The following UBN2 variants were observed in gnomAD, a reference collection of about 807,000 sequenced individuals.
UBN2 encodes ubinuclein-2.
In UBN2, 35 loss-of-function variants were observed where a neutral mutation model predicts 120.2. The observed-to-expected ratio is 0.29, with a 90% CI of 0.22 to 0.39. The LOEUF (loss-of-function observed/expected upper bound fraction) is 0.39, where lower values mean the gene tolerates loss of function less well. UBN2 is among the 10% of genes least tolerant of loss of function. The pLI is 1.00. For missense variants in UBN2, 1,693 were observed against 1,663.2 expected, an observed-to-expected ratio of 1.02 and a Z score of -0.31; for synonymous variants, 661 against 648.7, an observed-to-expected ratio of 1.02 and a Z score of -0.29.
Position 139,283,046 on chromosome 7 carries a change from A to G in UBN2, c.2141A>G (p.Gln714Arg), listed in dbSNP as rs2131034949. Residue 714 changes from glutamine to arginine, a missense_variant, in exon 15 of 18, where the codon CAG becomes CGG. Physicochemically the swap from Gln to Arg is conservative, Grantham distance 43. This residue lies in a region of UBN2 where 837 missense variants were observed against 817.6 expected (regional missense o/e 1.02). Transcript: ENST00000473989. ...MLKECSPKKD[Q>R]KTPTSLVASV... Reference sequence around the variant, plus strand: ...TAGGAGTGTAGTCCAAAAAAGGACCAGAAAACTCCAACATCCCTGGTGGCT... The same window carrying G: ...TAGGAGTGTAGTCCAAAAAAGGACCGGAAAACTCCAACATCCCTGGTGGCT... 4 of 1,602,048 alleles carry G rather than the reference A, an allele frequency of 2.5e-6. No individual in the cohort carries two copies. Among genetic ancestry groups the G allele is most frequent in the Non-Finnish European group, 3.4e-6 (4 of 1,175,392 alleles).
intron 3 of UBN2, among the ~76,000 whole-genome samples, chr7:139,255,171 C>G (rs1796724213): frequency 6.6e-6 from 1 of 152,158 alleles, no homozygotes; most frequent in African/African-American, 2.4e-5. Flanking sequence ...TCTACCTTTT[C>G]CAGAATGTCT....
Position 139,283,442 on chromosome 7 carries a change from A to T in UBN2, c.2537A>T (p.Asp846Val). The T allele has an allele frequency of 6.2e-7, 1 of 1,614,096 alleles. No individual in the cohort carries two copies. Among genetic ancestry groups the T allele is most frequent in the Non-Finnish European group, 8.5e-7 (1 of 1,180,012 alleles). ...GGGCCAGTACCAAAGAAACCCCAGGATTTAGCTCATACTGGCATCTCTTCA... is the reference window on the plus strand; with the variant it reads ...GGGCCAGTACCAAAGAAACCCCAGGTTTTAGCTCATACTGGCATCTCTTCA... ...HTGPVPKKPQ[D>V]LAHTGISSGL... is the part of the protein sequence containing the mutation. Residue 846 changes from aspartate to valine, a missense_variant, in exon 15 of 18, where the codon GAT (aspartate) becomes GTT (valine). Transcript: ENST00000473989.
intron 15 of UBN2, among the ~76,000 whole-genome samples, chr7:139,285,540 T>C (rs541588571): frequency 2.0e-4 from 30 of 152,184 alleles, no homozygotes; most frequent in Non-Finnish European, 3.5e-4. Context: ...TCAGACTCTT[T>C]CTCATTCTCT....
chr7:139,277,917 A>G (rs1343152913), intron 12 of UBN2, among the ~76,000 whole-genome samples: 1 of 152,208 alleles, frequency 6.6e-6, no homozygotes, highest in Non-Finnish European at 1.5e-5. Context: ...GATTAACAAC[A>G]ATAATAAAAG....
chr7:139,281,916 CAG>C (rs1797622752), intron 13 of UBN2, 87 bp from the exon 14 acceptor site: 2 of 1,262,370 alleles, frequency 1.6e-6, no homozygotes, highest in Admixed American at 1.8e-5. Flanking sequence ...GGTTTTTAAT[CAG>C]GGGTTTTAGA....
chr7:139,274,634 T>A (rs565756711), intron 11 of UBN2, among the ~76,000 whole-genome samples: 1 of 152,044 alleles, frequency 6.6e-6, no homozygotes, highest in East Asian at 1.9e-4. Flanking sequence ...TGGTGGCGCA[T>A]GCCTGTTATC....
chr7:139,272,299 T>C (rs1797299502), intron 8 of UBN2, 23 bp from the exon 9 acceptor site: 4 of 1,561,078 alleles, frequency 2.6e-6, no homozygotes, highest in African/African-American at 2.7e-5. Context: ...TGATAAAAAC[T>C]TCTAGTATGT....
Position 139,258,633 on chromosome 7 carries a change from T to A in UBN2, c.801+8T>A, listed in dbSNP as rs766858739. On this transcript the variant is annotated splice_region_variant and intron_variant, in intron 4 of 17. Coordinates refer to ENST00000473989, the MANE Select transcript of UBN2 (RefSeq NM_173569.4). ...AAGCACAAGCCACCCAAGGTGAGTTTATCAAACATTGCAACAGTACTGAGA... is the reference window on the plus strand; with the variant it reads ...AAGCACAAGCCACCCAAGGTGAGTTAATCAAACATTGCAACAGTACTGAGA... The A allele has an allele frequency of 2.5e-6, 4 of 1,586,316 alleles. No homozygotes were observed. Among genetic ancestry groups the A allele is most frequent in the South Asian group, 2.3e-5 (2 of 86,550 alleles).
At position 139,272,433 on chromosome 7, in the gene UBN2, T is replaced by C. The variant is rs1468355327; in HGVS notation, c.1708T>C (p.Cys570Arg). Residue 570 changes from cysteine (C) to arginine (R), a missense_variant, in exon 9 of 18, where the codon TGT becomes CGT. Cys to Arg is a radical substitution (Grantham distance 180). This residue lies in a region of UBN2 where 178 missense variants were observed against 204.0 expected (regional missense o/e 0.87). Transcript: ENST00000473989. The part of the protein sequence containing the change: ...EDCQARSQAK[C>R]AKLQTDEERE... ...CTGCCAGGCTCGTAGTCAAGCTAAG[T>C]GTGCCAAGTATGTATCTCTTCTATT... 6.2e-7 allele frequency: 1 copy of C among 1,612,072 alleles called. No individual in the cohort carries two copies. The highest frequency in any genetic ancestry group is 1.3e-5 in the African/African-American group (1 of 74,874).
rs189057746 is a variant in UBN2, at chr7:139,262,753, C to T, written c.1395+1012C>T. Reference sequence around the variant, plus strand: ...AACCCAAATAAATAAATAGAAATAACTATAGTGATAACATCAATAGAGTTG... The same window carrying T: ...AACCCAAATAAATAAATAGAAATAATTATAGTGATAACATCAATAGAGTTG... On this transcript the variant is annotated intron_variant, in intron 6 of 17. Coordinates refer to ENST00000473989, the MANE Select transcript of UBN2 (RefSeq NM_173569.4). Among the ~76,000 whole-genome samples, 1,164 of 150,462 alleles carry T rather than the reference C, an allele frequency of 7.7e-3. 7 individuals carry two copies. Among genetic ancestry groups the T allele is most frequent in the African/African-American group, 0.019 (789 of 41,076 alleles).
chr7:139,299,063 T>G lies in UBN2; in HGVS notation c.*1227T>G, dbSNP rs1798190684. ...ACTATTTACTCAGTGTATTGGTATGTGAGTAAATCTGCAGAAAATAAGACT... is the reference window on the plus strand; with the variant it reads ...ACTATTTACTCAGTGTATTGGTATGGGAGTAAATCTGCAGAAAATAAGACT... On this transcript the variant is annotated 3_prime_UTR_variant, in exon 18 of 18. Transcript: ENST00000473989. The G allele has an allele frequency of 6.6e-6, 1 of 152,212 alleles. No individual in the cohort carries two copies. The highest frequency in any genetic ancestry group is 2.1e-4 in the South Asian group (1 of 4,832). 9.4% of individuals were successfully genotyped at this position (152,212 alleles called of 1,614,324 possible).
the UBN2 span, among the ~76,000 whole-genome samples, chr7:139,313,919 G>A: frequency 6.6e-6 from 1 of 151,136 alleles, no homozygotes; most frequent in African/African-American, 2.4e-5. Context: ...CGCAATCTCA[G>A]CTCATTGCAA....
At position 139,261,678 on chromosome 7, in the gene UBN2, G is replaced by T; in HGVS notation, c.1332G>T (p.Val444=). Residue 444 remains valine, a synonymous_variant, in exon 6 of 18, where the codon GTG becomes GTT. Coordinates refer to ENST00000473989, the MANE Select transcript of UBN2 (RefSeq NM_173569.4). ...PTYTSQVMPK[V]VPTLPEGLPV... is the part of the protein sequence containing the mutation. ...ACACTTCTCAGGTTATGCCCAAAGT[G>T]GTACCTACACTCCCAGAGGGTCTAC... is the stretch of plus-strand genomic sequence containing the variant. The T allele has an allele frequency of 1.2e-6, 2 of 1,614,130 alleles. No homozygotes were observed. Among genetic ancestry groups the T allele is most frequent in the Non-Finnish European group, 1.7e-6 (2 of 1,180,024 alleles).
chr7:139,293,874 C>CT lies in UBN2; in HGVS notation c.3902-14dup. On this transcript the variant is annotated splice_polypyrimidine_tract_variant and intron_variant, in intron 16 of 17. Coordinates refer to ENST00000473989, the MANE Select transcript of UBN2 (RefSeq NM_173569.4). ...CTGGATTTAAAGATGACTGACAAGT[C>CT]TGTTTTCCTCTCAGATTTACTAAAG... The CT allele has an allele frequency of 6.2e-7, 1 of 1,612,454 alleles. No individual in the cohort carries two copies. The highest frequency in any genetic ancestry group is 8.5e-7 in the Non-Finnish European group (1 of 1,178,550).
chr7:139,323,271 T>G, the UBN2 span, among the ~76,000 whole-genome samples: 4 of 152,102 alleles, frequency 2.6e-5, no homozygotes, highest in Non-Finnish European at 5.9e-5. Flanking sequence ...CTGGCCAACA[T>G]GGTGAAACCT....
chr7:139,231,898 C>G lies in UBN2; in HGVS notation c.414C>G (p.Asp138Glu), dbSNP rs566623480. 2 of 1,588,114 alleles carry G rather than the reference C, an allele frequency of 1.3e-6. No individual in the cohort carries two copies. Among genetic ancestry groups the G allele is most frequent in the Non-Finnish European group, 8.5e-7 (1 of 1,173,026 alleles). ...AGCTGGTGCTTAAGGACCCCACCGACGAGAGCTGCGTGGAGTTCAGTTACC... is the reference window on the plus strand; with the variant it reads ...AGCTGGTGCTTAAGGACCCCACCGAGGAGAGCTGCGTGGAGTTCAGTTACC... ...RLELVLKDPT[D>E]ESCVEFSYPE... The change falls in exon 1 of 18, where the codon GAC (aspartate) becomes GAG (glutamate). Residue 138 changes from aspartate (D) to glutamate (E), a missense_variant. By Grantham distance (45) the Asp-to-Glu change is conservative. Coordinates refer to ENST00000473989, the MANE Select transcript of UBN2 (RefSeq NM_173569.4).
chr7:139,234,244 A>G (rs10245229), intron 1 of UBN2, among the ~76,000 whole-genome samples: 14,563 of 152,066 alleles, frequency 0.096, 1,243 homozygotes, highest in Admixed American at 0.21. Flanking sequence ...ATCTATCACT[A>G]AATAAGATTT....
intron 6 of UBN2, among the ~76,000 whole-genome samples, chr7:139,263,083 C>T (rs1314553317): frequency 6.6e-6 from 1 of 152,104 alleles, no homozygotes; most frequent in Non-Finnish European, 1.5e-5. Context: ...TAGGCAGTAA[C>T]GTGTATAGAA....
intron 7 of UBN2, among the ~76,000 whole-genome samples, chr7:139,267,473 C>G (rs1029165454): frequency 4.0e-5 from 6 of 151,190 alleles, no homozygotes; most frequent in Non-Finnish European, 7.4e-5. Context: ...GAGATTGAGC[C>G]TGCAGTGAAC....
Sources: allele counts gnomAD v4.1 joint callset (sites outside exome capture counted in the v4.1 genomes callset), GRCh38; gene constraint gnomAD v4.1.1; regional missense constraint gnomAD v4.1.1; transcripts MANE v1.5; gene names NCBI Gene and HGNC (gene_info 2026-07-23, HGNC 2026-07-21).